The following ETNPPL variants were observed in gnomAD, a reference collection of about 807,000 sequenced individuals.
ETNPPL encodes the protein ethanolamine-phosphate phospho-lyase, also known as alanine--glyoxylate aminotransferase 2-like 1.
ETNPPL carries 30 observed loss-of-function variants against 55.5 expected under a neutral mutation model. That is an observed-to-expected ratio of 0.54 (90% confidence interval 0.40 to 0.73). The LOEUF is 0.73. Among genes scored for constraint, ETNPPL ranks in the 30% least tolerant of loss-of-function variants. ETNPPL has a pLI of 0.00. For synonymous variants in ETNPPL, 202 were observed against 207.2 expected, an observed-to-expected ratio of 0.98 and a Z score of 0.21; for missense variants, 528 against 607.9, an observed-to-expected ratio of 0.87 and a Z score of 1.38.
chr4:108,762,668 C>T, intron 1 of ETNPPL, 175 bp downstream of exon 1: 1 of 777,806 alleles, frequency 1.3e-6, no homozygotes, highest in Non-Finnish European at 2.3e-6. Flanking sequence ...AGGAGCGTTT[C>T]TGGGAGTCCG....
chr4:108,758,297 G>A (rs1012265092), intron 3 of ETNPPL, among the ~76,000 whole-genome samples: 20 of 151,944 alleles, frequency 1.3e-4, no homozygotes, highest in East Asian at 5.8e-4. Flanking sequence ...ACCATATTTC[G>A]TTTTTAAAAT....
chr4:108,750,668 AT>A (rs1460280395), intron 7 of ETNPPL, among the ~76,000 whole-genome samples: 1 of 146,014 alleles, frequency 6.8e-6, no homozygotes, highest in East Asian at 2.9e-4. Flanking sequence ...ACCAATACAG[AT>A]TTGGTACTAG....
chr4:108,748,237 T>TCATA, intron 8 of ETNPPL, 78 bp from the exon 9 acceptor site: 1 of 999,446 alleles, frequency 1.0e-6, no homozygotes, highest in African/African-American at 1.7e-5. Context: ...GAAATTTGGC[T>TCATA]CATACATACA....
chr4:108,747,153 ATATATATATAT>A (rs1728584384), intron 9 of ETNPPL, among the ~76,000 whole-genome samples: 1 of 20,174 alleles, frequency 5.0e-5, no homozygotes, highest in Non-Finnish European at 7.7e-5. Flanking sequence ...TATATAATAT[ATATATATATAT>A]TATATATATA....
At chr4:108,762,251 G>A (rs527945823) in intron 1 of ETNPPL, 6 of 420,248 alleles carry the variant, frequency 1.4e-5, no homozygotes, top group Admixed American at 1.3e-4. Flanking sequence ...GAAGAACACA[G>A]CTTGGGAGAG....
In ETNPPL at chr4:108,742,588, G is replaced by T; in HGVS notation, c.1396C>A (p.Leu466Met). The T allele has an allele frequency of 6.2e-7, 1 of 1,614,068 alleles. No homozygotes were observed. The highest frequency in any genetic ancestry group is 8.5e-7 in the Non-Finnish European group (1 of 1,180,006). Residue 466 changes from leucine (L) to methionine (M), a missense_variant, in exon 13 of 13, where the codon CTG (leucine) becomes ATG (methionine). Transcript: ENST00000296486. ...TKMLKEAHIE[L>M]LRDSTTDSKE... ...GAGTCAGTGGTGCTGTCCCTAAGCA[G>T]TTCTATGTGGGCTTCTTTCAGCATC...
At chr4:108,753,634 C>T (rs1257586727) in intron 5 of ETNPPL, among the ~76,000 whole-genome samples, 1 of 151,864 alleles carries the variant, frequency 6.6e-6, no homozygotes, top group African/African-American at 2.4e-5. Flanking sequence ...CCCAGCTGCT[C>T]GGGAGGCTGA....
In ETNPPL at chr4:108,762,940, G is replaced by C; in HGVS notation, c.-42C>G. 2 of 1,593,716 alleles carry C rather than the reference G, an allele frequency of 1.3e-6. No individual in the cohort carries two copies. Among genetic ancestry groups the C allele is most frequent in the Non-Finnish European group, 1.7e-6 (2 of 1,162,278 alleles). Reference sequence around the variant, plus strand: ...GCGCTGCGAAGGTGCAAGGTGCAAGGTCTGCGCGCCTCCTACGCGAGCCTG... The same window carrying C: ...GCGCTGCGAAGGTGCAAGGTGCAAGCTCTGCGCGCCTCCTACGCGAGCCTG... On this transcript the variant is annotated 5_prime_UTR_variant, in exon 1 of 13. Coordinates refer to ENST00000296486, the MANE Select transcript of ETNPPL (RefSeq NM_031279.4).
rs750948394 is a variant in ETNPPL at position 108,749,452 on chromosome 4, C to A, written c.713G>T (p.Gly238Val). 1.3e-5 allele frequency: 21 copies of A among 1,613,630 alleles called. No homozygotes were observed. Among genetic ancestry groups the A allele is most frequent in the Middle Eastern group, 1.6e-4 (1 of 6,082 alleles). Residue 238 changes from glycine (G) to valine (V), a missense_variant, in exon 8 of 13, where the codon GGT becomes GTT. Transcript: ENST00000296486. ...YFQKVAEYVHGAGGVFIADEV... is the reference protein window; with the variant it reads ...YFQKVAEYVHVAGGVFIADEV... ...ATCAGCTATAAACACACCCCCTGCACCGTGTACATATCTGAAAAGCAAAGC... is the reference window on the plus strand; with the variant it reads ...ATCAGCTATAAACACACCCCCTGCAACGTGTACATATCTGAAAAGCAAAGC...
chr4:108,753,793 AAAGAAAG>A lies in ETNPPL; in HGVS notation c.502-789_502-783del, dbSNP rs1165731002. Among the ~76,000 whole-genome samples the A allele has an allele frequency of 8.3e-3, 940 of 112,780 alleles. 21 individuals carry two copies. In the East Asian group the frequency reaches 0.12, roughly 15 times the overall value. The allele number at this position is 112,780 out of a possible 152,430, so 74.0% of individuals were successfully genotyped here. Reference sequence around the variant, plus strand: ...GAAAGAAAGAAAGAAAGAAAGAAAGAAAGAAAGAAAGAAAAGAGAAGAAAAGAAAAGA... The same window carrying A: ...GAAAGAAAGAAAGAAAGAAAGAAAGAAAAGAAAAGAGAAGAAAAGAAAAGA... On this transcript the variant is annotated intron_variant, in intron 5 of 12. Coordinates refer to ENST00000296486, the MANE Select transcript of ETNPPL (RefSeq NM_031279.4).
chr4:108,742,251 C>T lies in ETNPPL; in HGVS notation c.*233G>A, dbSNP rs1024216254. On this transcript the variant is annotated 3_prime_UTR_variant, in exon 13 of 13. Transcript: ENST00000296486. Reference sequence around the variant, plus strand: ...AAGCTTACAATTTAATAGAATAAATCAGGTAGCTTCAGAAATCAACTAAGA... The same window carrying T: ...AAGCTTACAATTTAATAGAATAAATTAGGTAGCTTCAGAAATCAACTAAGA... The T allele has an allele frequency of 1.1e-5, 4 of 349,870 alleles. No homozygotes were observed. Among genetic ancestry groups the T allele is most frequent in the Non-Finnish European group, 2.1e-5 (4 of 189,906 alleles). 21.7% of individuals were successfully genotyped at this position (349,870 alleles called of 1,614,324 possible).
At chr4:108,745,017 G>A (rs1728402427) in intron 11 of ETNPPL, among the ~76,000 whole-genome samples, 1 of 152,128 alleles carries the variant, frequency 6.6e-6, no homozygotes, top group African/African-American at 2.4e-5. Context: ...ATAGGCATGT[G>A]CTGCCATGCT....
At chr4:108,761,621 G>A (rs1729510257) in intron 1 of ETNPPL, among the ~76,000 whole-genome samples, 1 of 152,154 alleles carries the variant, frequency 6.6e-6, no homozygotes, top group South Asian at 2.1e-4. Context: ...GGCTACACTC[G>A]TGCTTTTAGA....
intron 6 of ETNPPL, 77 bp from the exon 7 acceptor site, chr4:108,751,095 A>G (rs1284827100): frequency 1.3e-5 from 13 of 984,656 alleles, no homozygotes; most frequent in Non-Finnish European, 1.9e-5. Context: ...CTTATAGAGC[A>G]GGTTATTTTA....
In ETNPPL at chr4:108,748,119, A is replaced by G. The variant is rs1219116634; in HGVS notation, c.968T>C (p.Val323Ala). 67 of 1,610,194 alleles carry G rather than the reference A, an allele frequency of 4.2e-5. 1 individual carries two copies. Among genetic ancestry groups the G allele is most frequent in the Non-Finnish European group, 5.1e-5 (60 of 1,178,878 alleles). ...GTCTTCATTTTCAATTATATCCAGG[A>G]CAGCCAAACCAACAGCACAAGATAC... ...NPVSCAVGLA[V>A]LDIIENEDLQ... The change falls in exon 9 of 13, where the codon GTC becomes GCC. Residue 323 changes from valine (V) to alanine (A), a missense_variant. Val to Ala is a moderately conservative substitution (Grantham distance 64, BLOSUM62 0). Transcript: ENST00000296486.
At position 108,760,259 on chromosome 4, in the gene ETNPPL, C is replaced by T; in HGVS notation, c.104G>A (p.Arg35Lys). Residue 35 changes from arginine (R) to lysine (K), a missense_variant, in exon 2 of 13, where the codon AGA (arginine) becomes AAA (lysine). Coordinates refer to ENST00000296486, the MANE Select transcript of ETNPPL (RefSeq NM_031279.4). ...ATCAAACATGTACTGCCTCTGGGCTCTCACTATTTTGATGGGATCCGATGC... is the reference window on the plus strand; with the variant it reads ...ATCAAACATGTACTGCCTCTGGGCTTTCACTATTTTGATGGGATCCGATGC... ...FFASDPIKIV[R>K]AQRQYMFDEN... The T allele has an allele frequency of 6.2e-7, 1 of 1,612,696 alleles. No homozygotes were observed. Among genetic ancestry groups the T allele is most frequent in the Non-Finnish European group, 8.5e-7 (1 of 1,178,926 alleles).
chr4:108,751,146 C>G, intron 6 of ETNPPL, 128 bp from the exon 7 acceptor site: 1 of 501,800 alleles, frequency 2.0e-6, no homozygotes, highest in Non-Finnish European at 3.6e-6. Context: ...GGCAAATTAG[C>G]CATTTGATTA....
At chr4:108,762,546 T>G in intron 1 of ETNPPL, 1 of 645,564 alleles carries the variant, frequency 1.5e-6, no homozygotes, top group Non-Finnish European at 2.8e-6. Flanking sequence ...GCTAGGGCTA[T>G]TGGCCGTCAT....
At chr4:108,748,301 A>G in intron 8 of ETNPPL, 142 bp from the exon 9 acceptor site, 1 of 585,200 alleles carries the variant, frequency 1.7e-6, no homozygotes, top group Non-Finnish European at 2.9e-6. Context: ...AGTTTCTCAT[A>G]TTTAGAATAG....
Sources: allele counts gnomAD v4.1 joint callset (sites outside exome capture counted in the v4.1 genomes callset), GRCh38; gene constraint gnomAD v4.1.1; transcripts MANE v1.5; gene names NCBI Gene and HGNC (gene_info 2026-07-23, HGNC 2026-07-21).